PRR14: variants seen among roughly 807,000 people sequenced by gnomAD.
PRR14 encodes the protein proline-rich protein 14.
PRR14 carries 33 observed loss-of-function variants against 57.2 expected under a neutral mutation model. That is an observed-to-expected ratio of 0.58 (90% confidence interval 0.44 to 0.77). The LOEUF is 0.77. PRR14 is among the 30% of genes least tolerant of loss of function. PRR14 has a pLI of 0.00. For missense variants in PRR14, 716 were observed against 788.1 expected, an observed-to-expected ratio of 0.91 and a Z score of 1.10; for synonymous variants, 303 against 314.7, an observed-to-expected ratio of 0.96 and a Z score of 0.39.
rs369272663 is a variant in PRR14 at position 30,654,962 on chromosome 16, G to A, written c.992G>A (p.Ser331Asn). Residue 331 changes from serine to asparagine, a missense_variant, in exon 8 of 12, where the codon AGC becomes AAC. Ser to Asn is a conservative substitution (Grantham distance 46). Coordinates refer to ENST00000300835, the MANE Select transcript of PRR14 (RefSeq NM_024031.5). ...ALLPKPSLGR[S>N]YSCPDLGPPG... ...CTCCCTAAGCCCTCTCTGGGCCGAAGCTACTCCTGCCCTGATCTGGGGCCC... is the reference window on the plus strand; with the variant it reads ...CTCCCTAAGCCCTCTCTGGGCCGAAACTACTCCTGCCCTGATCTGGGGCCC... 5.0e-5 allele frequency: 80 copies of A among 1,611,502 alleles called. No homozygotes were observed. Among genetic ancestry groups the A allele is most frequent in the Non-Finnish European group, 6.6e-5 (78 of 1,180,028 alleles).
At chr16:30,650,858 G>C (rs943448781), upstream of PRR14, 2 of 355,660 alleles carry the variant, frequency 5.6e-6, no homozygotes, top group African/African-American at 2.1e-5. Context: ...GGGCGGGAGT[G>C]GGGGCGGGGA....
In PRR14 at chr16:30,654,632, C is replaced by T; in HGVS notation, c.662C>T (p.Pro221Leu). 1 of 1,600,188 alleles carries T rather than the reference C, an allele frequency of 6.2e-7. No homozygotes were observed. Among genetic ancestry groups the T allele is most frequent in the Non-Finnish European group, 8.5e-7 (1 of 1,171,364 alleles). The stretch of plus-strand genomic sequence containing the variant: ...TGTGACCCTCTCCTTTCCTCAGCCC[C>T]AGATCCTGCTCTGGAGCTCCCATCC... ...ADPLESPPTA[P>L]DPALELPSTP... The change falls in exon 8 of 12, where the codon CCA becomes CTA. Residue 221 changes from proline to leucine, a missense_variant. Pro to Leu is a moderately conservative substitution (Grantham distance 98, BLOSUM62 -3). Transcript: ENST00000300835.
At chr16:30,653,944 G>A (rs773193119) in intron 6 of PRR14, among the ~76,000 whole-genome samples, 4 of 152,260 alleles carry the variant, frequency 2.6e-5, no homozygotes, top group Non-Finnish European at 4.4e-5. Flanking sequence ...GATTACAGGC[G>A]AGAGCCACCA....
Position 30,653,421 on chromosome 16 carries a change from G to C in PRR14, c.548+13G>C. 14 of 1,612,912 alleles carry C rather than the reference G, an allele frequency of 8.7e-6. No individual in the cohort carries two copies. The highest frequency in any genetic ancestry group is 1.2e-5 in the Non-Finnish European group (14 of 1,179,122). On this transcript the variant is annotated intron_variant, in intron 6 of 11. Coordinates refer to ENST00000300835, the MANE Select transcript of PRR14 (RefSeq NM_024031.5). ...TCCCAGCACAAAGGTGAGAGGGCTG[G>C]AGTAGGGATTATCAAAGGATCCAGG... is the stretch of plus-strand genomic sequence containing the variant.
Position 30,651,322 on chromosome 16 carries a change from G to A in PRR14, c.-51+195G>A, listed in dbSNP as rs1038557301. 15 of 398,334 alleles carry A rather than the reference G, an allele frequency of 3.8e-5. No individual in the cohort carries two copies. In the South Asian group the frequency reaches 4.5e-4, roughly 12 times the overall value. The allele number at this position is 398,334 out of a possible 1,614,324, so 24.7% of individuals were successfully genotyped here. ...GGGATCTCGGGGCATAATCTGCAGG[G>A]ACAAAGGCCTCGGGAGGCTCGGGCC... On this transcript the variant is annotated intron_variant, in intron 1 of 11. Transcript: ENST00000300835. This position sits in a 1 kb window ranked among gnomAD's most constrained non-coding sequence, Gnocchi z 5.0.
chr16:30,655,907 C>G lies in PRR14; in HGVS notation c.1446C>G (p.Thr482=). The G allele has an allele frequency of 1.2e-6, 2 of 1,614,142 alleles. No homozygotes were observed. The highest frequency in any genetic ancestry group is 1.7e-6 in the Non-Finnish European group (2 of 1,180,028). Residue 482 remains threonine, a synonymous_variant, in exon 11 of 12, where the codon ACC becomes ACG. Transcript: ENST00000300835. The surrounding 1 kb of genome is among the most constrained non-coding windows in gnomAD (Gnocchi z 4.6). ...AGTTCAGCTTGGAAGAAATTTACAC[C>G]AACAAGAATTACCAATCACCCACAA... ...KKEFSLEEIY[T]NKNYQSPTTR... is the part of the protein sequence containing the mutation.
chr16:30,651,080 C>T lies in PRR14; in HGVS notation c.-98C>T. The T allele has an allele frequency of 2.2e-6, 1 of 455,128 alleles. No homozygotes were observed. Among genetic ancestry groups the T allele is most frequent in the Non-Finnish European group, 4.4e-6 (1 of 225,934 alleles). 28.2% of individuals were successfully genotyped at this position (455,128 alleles called of 1,614,324 possible). A position where few individuals can be genotyped will look rare whatever the true frequency, so the allele number is the denominator to read the frequency against. On this transcript the variant is annotated 5_prime_UTR_variant, in exon 1 of 12. Transcript: ENST00000300835. The surrounding 1 kb of genome is among the most constrained non-coding windows in gnomAD (Gnocchi z 5.0). ...CGGAGCTTTGCGGCGCTGAAGCTTA[C>T]AGGGGAAGGAAAAGCCTCGCCCGGC...
In PRR14 at chr16:30,651,951, T is replaced by C; in HGVS notation, c.179T>C (p.Met60Thr). ...RVLAVVLEDV[M>T]AVHMVPVVPS... Reference sequence around the variant, plus strand: ...CTGGCCGTGGTGCTAGAAGATGTCATGGCTGTTCACATGGTGAGCCCCCTG... The same window carrying C: ...CTGGCCGTGGTGCTAGAAGATGTCACGGCTGTTCACATGGTGAGCCCCCTG... The change falls in exon 3 of 12, where the codon ATG becomes ACG. Residue 60 changes from methionine to threonine, a missense_variant. By Grantham distance (81) the Met-to-Thr change is moderately conservative (BLOSUM62 -1). Coordinates refer to ENST00000300835, the MANE Select transcript of PRR14 (RefSeq NM_024031.5). The surrounding 1 kb of genome is among the most constrained non-coding windows in gnomAD (Gnocchi z 5.0). 1 of 1,538,026 alleles carries C rather than the reference T, an allele frequency of 6.5e-7. No individual in the cohort carries two copies. The highest frequency in any genetic ancestry group is 8.7e-7 in the Non-Finnish European group (1 of 1,145,540).
Position 30,653,394 on chromosome 16 carries a change from C to G in PRR14, c.534C>G (p.Ile178Met). Residue 178 changes from isoleucine (I) to methionine (M), a missense_variant, in exon 6 of 12, where the codon ATC becomes ATG. Transcript: ENST00000300835. ...EGFIDETPNF[I>M]IPAQRAEPMR... is the part of the protein sequence containing the mutation. ...TCATTGATGAGACCCCCAACTTCAT[C>G]ATCCCAGCACAAAGGTGAGAGGGCT... 1 of 1,613,860 alleles carries G rather than the reference C, an allele frequency of 6.2e-7. No individual in the cohort carries two copies. The highest frequency in any genetic ancestry group is 8.5e-7 in the Non-Finnish European group (1 of 1,179,938).
chr16:30,655,133 G>A lies in PRR14; in HGVS notation c.1163G>A (p.Gly388Glu), dbSNP rs1338048683. The change falls in exon 8 of 12, where the codon GGA becomes GAA. Residue 388 changes from glycine to glutamate, a missense_variant. By Grantham distance (98) the Gly-to-Glu change is moderately conservative (BLOSUM62 -2). Transcript: ENST00000300835. The surrounding 1 kb of genome is among the most constrained non-coding windows in gnomAD (Gnocchi z 4.6). ...PCLRKEVFPLGGVGASPSLTT... is the reference protein window; with the variant it reads ...PCLRKEVFPLEGVGASPSLTT... ...CTCCGGAAAGAGGTCTTCCCTCTCG[G>A]AGGAGTGGGAGCCTCCCCTTCTCTC... 1.2e-6 allele frequency: 2 copies of A among 1,610,558 alleles called. No individual in the cohort carries two copies. The highest frequency in any genetic ancestry group is 2.2e-5 in the East Asian group (1 of 44,868).
At chr16:30,650,786 C>T (rs552683585), upstream of PRR14, 6 of 238,648 alleles carry the variant, frequency 2.5e-5, no homozygotes, top group South Asian at 2.2e-4. Context: ...GCGGAAGACC[C>T]GGGATCCACG....
At chr16:30,652,355 T>A (rs745504888) in intron 3 of PRR14, 7 of 571,062 alleles carry the variant, frequency 1.2e-5, no homozygotes, top group South Asian at 1.1e-4. Context: ...GCCACGGCGC[T>A]GGGCCGAAAC....
rs558581671 is a variant in PRR14, at chr16:30,653,993, G to A, written c.549-237G>A. Reference sequence around the variant, plus strand: ...TATTGTTTTAAATTAGTTGGATGTGGTGGTCCATGCATGTAGTTCTAGCCA... The same window carrying A: ...TATTGTTTTAAATTAGTTGGATGTGATGGTCCATGCATGTAGTTCTAGCCA... On this transcript the variant is annotated intron_variant, in intron 6 of 11. Transcript: ENST00000300835. The A allele has an allele frequency of 6.0e-6, 3 of 496,264 alleles. No homozygotes were observed. The Admixed American group carries it at 1.1e-4, about 17-fold the overall frequency. The allele number at this position is 496,264 out of a possible 1,614,324, so 30.7% of individuals were successfully genotyped here. A position where few individuals can be genotyped will look rare whatever the true frequency, so the allele number is the denominator to read the frequency against.
chr16:30,650,884 C>T (rs766911192), upstream of PRR14: 2 of 392,806 alleles, frequency 5.1e-6, no homozygotes, highest in African/African-American at 2.0e-5. Flanking sequence ...ACTTCTGAAC[C>T]ATCTGGTCCC....
At position 30,653,104 on chromosome 16, in the gene PRR14, G is replaced by T; in HGVS notation, c.504+1G>T. The T allele has an allele frequency of 6.3e-7, 1 of 1,598,804 alleles. No individual in the cohort carries two copies. Among genetic ancestry groups the T allele is most frequent in the Non-Finnish European group, 8.5e-7 (1 of 1,171,412 alleles). On this transcript the variant is annotated splice_donor_variant, in intron 5 of 11. Transcript: ENST00000300835. LOFTEE classifies it high-confidence loss of function. ...CGCCAGTCCTAGACCCCCCGCTGAG[G>T]TATGGGAACTGAGGGTACGGATGTC...
At position 30,654,759 on chromosome 16, in the gene PRR14, C is replaced by T; in HGVS notation, c.789C>T (p.Ile263=). The change falls in exon 8 of 12, where the codon ATC becomes ATT. Residue 263 remains isoleucine, a synonymous_variant. Transcript: ENST00000300835. ...VRSKLESFAD[I]FLTPNKTPQP... Reference sequence around the variant, plus strand: ...CCAAGCTGGAGAGCTTTGCTGACATCTTCCTCACGCCCAACAAAACCCCAC... The same window carrying T: ...CCAAGCTGGAGAGCTTTGCTGACATTTTCCTCACGCCCAACAAAACCCCAC... 6.2e-7 allele frequency: 1 copy of T among 1,613,356 alleles called. No homozygotes were observed. The highest frequency in any genetic ancestry group is 8.5e-7 in the Non-Finnish European group (1 of 1,179,790).
intron 3 of PRR14, chr16:30,652,449 C>A: frequency 1.7e-6 from 1 of 576,722 alleles, no homozygotes; most frequent in Non-Finnish European, 3.1e-6. Context: ...AAAACTGGCC[C>A]AAAAAAGGCA....
rs546803119 is a variant in PRR14, at chr16:30,651,340, C to G, written c.-51+213C>G. 2.4e-6 allele frequency: 1 copy of G among 422,978 alleles called. No homozygotes were observed. The highest frequency in any genetic ancestry group is 4.2e-5 in the East Asian group (1 of 23,846). The allele number at this position is 422,978 out of a possible 1,614,324, so 26.2% of individuals were successfully genotyped here. On this transcript the variant is annotated intron_variant, in intron 1 of 11. Transcript: ENST00000300835. This position sits in a 1 kb window ranked among gnomAD's most constrained non-coding sequence, Gnocchi z 5.0. ...CTGCAGGGACAAAGGCCTCGGGAGGCTCGGGCCGCGGGAGAACTGGGGCCG... is the reference window on the plus strand; with the variant it reads ...CTGCAGGGACAAAGGCCTCGGGAGGGTCGGGCCGCGGGAGAACTGGGGCCG...
At chr16:30,652,419 A>T in intron 3 of PRR14, 1 of 555,854 alleles carries the variant, frequency 1.8e-6, no homozygotes. Flanking sequence ...GAGGTCTTTG[A>T]CTCCACTGCA....
Sources: allele counts gnomAD v4.1 joint callset (sites outside exome capture counted in the v4.1 genomes callset), GRCh38; gene constraint gnomAD v4.1.1; non-coding constraint Gnocchi (gnomAD v3.1); transcripts MANE v1.5; gene names NCBI Gene and HGNC (gene_info 2026-07-23, HGNC 2026-07-21).